B4GALT1: variants seen among roughly 807,000 people sequenced by gnomAD.
B4GALT1 encodes N-acetyllactosamine synthase.
Under a neutral mutation model 34.9 loss-of-function variants are expected in B4GALT1, and 16 were observed. That is an observed-to-expected ratio of 0.46 (90% confidence interval 0.31 to 0.70). B4GALT1 has a LOEUF of 0.70. Ranked by LOEUF, B4GALT1 falls within the 30% of genes least tolerant of loss-of-function variation. The pLI is 0.05. For missense variants in B4GALT1, 445 were observed against 530.5 expected, an observed-to-expected ratio of 0.84 and a Z score of 1.58; for synonymous variants, 221 against 218.1, an observed-to-expected ratio of 1.01 and a Z score of -0.12.
upstream of B4GALT1, among the ~76,000 whole-genome samples, chr9:33,168,888 A>C (rs555528075): frequency 2.8e-4 from 42 of 151,568 alleles, no homozygotes; most frequent in African/African-American, 1.0e-3. Context: ...CTTACACACC[A>C]CTCCCGTTCT....
chr9:33,131,414 G>A (rs998513833), intron 2 of B4GALT1, among the ~76,000 whole-genome samples: 4 of 152,242 alleles, frequency 2.6e-5, no homozygotes, highest in African/African-American at 9.6e-5. Flanking sequence ...CCTACTTCAA[G>A]TAGAATGAAA....
At position 33,163,936 on chromosome 9, in the gene B4GALT1, A is replaced by T. The variant is rs1158620467; in HGVS notation, c.412+2822T>A. On this transcript the variant is annotated intron_variant, in intron 1 of 5. Coordinates refer to ENST00000379731, the MANE Select transcript of B4GALT1 (RefSeq NM_001497.4). ...TGCAAGCCTCACATTAGCCCAGAGC[A>T]GGGTGCCCGGTGTGGGGGCGGGGGG... Among the ~76,000 whole-genome samples the T allele has an allele frequency of 2.0e-5, 3 of 152,300 alleles. No individual in the cohort carries two copies. The East Asian group carries it at 5.8e-4, about 29-fold the overall frequency.
chr9:33,119,834 GCAAGAAAATA>G (rs1839994516), intron 3 of B4GALT1, among the ~76,000 whole-genome samples: 1 of 152,158 alleles, frequency 6.6e-6, no homozygotes, highest in South Asian at 2.1e-4. Context: ...AAAGAAAAAA[GCAAGAAAATA>G]CAGTATCATT....
At chr9:33,173,908 G>T in the B4GALT1 span, among the ~76,000 whole-genome samples, 3 of 152,026 alleles carry the variant, frequency 2.0e-5, no homozygotes, top group Admixed American at 2.0e-4. Flanking sequence ...ATTTGAGAAT[G>T]AAAATAAATA....
the B4GALT1 span, among the ~76,000 whole-genome samples, chr9:33,185,065 C>A: frequency 6.6e-6 from 1 of 152,158 alleles, no homozygotes; most frequent in Non-Finnish European, 1.5e-5. Flanking sequence ...TACTGCTTGA[C>A]CCCAGCCTCC....
chr9:33,132,798 C>A (rs1840212707), intron 2 of B4GALT1, among the ~76,000 whole-genome samples: 1 of 152,146 alleles, frequency 6.6e-6, no homozygotes. Flanking sequence ...ACGTAGCATC[C>A]CACCCTCCAG....
chr9:33,138,372 A>G (rs1014957440), intron 1 of B4GALT1, among the ~76,000 whole-genome samples: 1 of 152,170 alleles, frequency 6.6e-6, no homozygotes, highest in South Asian at 2.1e-4. Context: ...ATGCTCTCTA[A>G]GGTCTCAGAA....
intron 2 of B4GALT1, among the ~76,000 whole-genome samples, chr9:33,126,250 C>T (rs1488332222): frequency 3.9e-5 from 6 of 152,122 alleles, no homozygotes; most frequent in African/African-American, 9.7e-5. Context: ...AACAGATCAG[C>T]GGCAGCAGAA....
At chr9:33,176,520 A>C in the B4GALT1 span, among the ~76,000 whole-genome samples, 4 of 152,212 alleles carry the variant, frequency 2.6e-5, no homozygotes, top group Admixed American at 2.0e-4. Flanking sequence ...ACAGTCTTAC[A>C]ACCATAGAAA....
intron 4 of B4GALT1, among the ~76,000 whole-genome samples, chr9:33,114,816 G>C (rs759586012): frequency 4.3e-4 from 65 of 152,104 alleles, no homozygotes; most frequent in Non-Finnish European, 6.3e-4. Flanking sequence ...GAAAGTGTTA[G>C]GTCCTTTATC....
chr9:33,135,772 G>A (rs946496625), intron 1 of B4GALT1, among the ~76,000 whole-genome samples: 1 of 152,276 alleles, frequency 6.6e-6, no homozygotes, highest in South Asian at 2.1e-4. Context: ...CAGTGATCAC[G>A]GATGAGAAGG....
chr9:33,167,132 G>T lies in B4GALT1; in HGVS notation c.38C>A (p.Ala13Glu), dbSNP rs764715853. 2 of 1,601,952 alleles carry T rather than the reference G, an allele frequency of 1.2e-6. No individual in the cohort carries two copies. The highest frequency in any genetic ancestry group is 2.2e-5 in the South Asian group (2 of 90,266). Residue 13 changes from alanine to glutamate, a missense_variant, in exon 1 of 6, where the codon GCG (alanine) becomes GAG (glutamate). By Grantham distance (107) the Ala-to-Glu change is moderately radical. This residue lies in a region of B4GALT1 where 349 missense variants were observed against 395.5 expected (regional missense o/e 0.88). Coordinates refer to ENST00000379731, the MANE Select transcript of B4GALT1 (RefSeq NM_001497.4). ...CCGCTGTAGGGACGCGCCTGGCATC[G>T]CGGCGCTGCCGCTCAGGAGCGGCTC... Reference protein sequence around the residue: ...LREPLLSGSAAMPGASLQRAC... With the variant: ...LREPLLSGSAEMPGASLQRAC...
intron 1 of B4GALT1, among the ~76,000 whole-genome samples, chr9:33,142,819 T>C (rs903611370): frequency 6.6e-6 from 1 of 151,986 alleles, no homozygotes; most frequent in Non-Finnish European, 1.5e-5. Flanking sequence ...GTACCCTGCA[T>C]TTGGGAACAG....
chr9:33,132,322 A>G (rs1183119058), intron 2 of B4GALT1, among the ~76,000 whole-genome samples: 3 of 152,170 alleles, frequency 2.0e-5, no homozygotes, highest in South Asian at 2.1e-4. Context: ...CGCTTTCCCC[A>G]AAGTGTGACT....
chr9:33,134,648 G>A (rs970935891), intron 2 of B4GALT1, among the ~76,000 whole-genome samples: 2 of 152,086 alleles, frequency 1.3e-5, no homozygotes, highest in Non-Finnish European at 2.9e-5. Context: ...TCTCAGACTC[G>A]GCCCAGTCCA....
intron 3 of B4GALT1, among the ~76,000 whole-genome samples, chr9:33,116,543 A>ATT (rs1564036408): frequency 1.4e-4 from 5 of 35,916 alleles, no homozygotes; most frequent in Admixed American, 4.5e-4. Flanking sequence ...TTTTTTTTGA[A>ATT]GGAGTCTCGC....
chr9:33,151,765 G>C (rs2118249332), intron 1 of B4GALT1, among the ~76,000 whole-genome samples: 1 of 152,304 alleles, frequency 6.6e-6, no homozygotes, highest in South Asian at 2.1e-4. Context: ...TTAGCCACTA[G>C]AATCACTGAT....
chr9:33,114,693 C>A (rs552717130), intron 4 of B4GALT1, among the ~76,000 whole-genome samples: 18 of 152,266 alleles, frequency 1.2e-4, no homozygotes, highest in African/African-American at 4.3e-4. Flanking sequence ...GAATGAGGAC[C>A]AAAATGAAAG....
chr9:33,176,457 T>C, the B4GALT1 span, among the ~76,000 whole-genome samples: 16 of 152,186 alleles, frequency 1.1e-4, no homozygotes, highest in African/African-American at 3.6e-4. Flanking sequence ...AGAAGCACTT[T>C]AGTCTACATG....
Sources: gnomAD v4.1 joint callset for allele counts (sites outside exome capture counted in the v4.1 genomes callset) on GRCh38, gnomAD v4.1.1 for gene constraint, gnomAD v4.1.1 regional missense constraint, MANE v1.5 for transcripts, NCBI Gene and HGNC (gene_info 2026-07-23, HGNC 2026-07-21) for gene names.